Variants in RNF180 observed in about 807,000 individuals in gnomAD.
RNF180 encodes ring finger protein 180, also known as E3 ubiquitin-protein ligase RNF180.
RNF180 carries 38 observed loss-of-function variants against 59.2 expected under a neutral mutation model. The observed-to-expected ratio is 0.64, with a 90% confidence interval of 0.50 to 0.84. The LOEUF (loss-of-function observed/expected upper bound fraction) is 0.84, where lower values mean the gene tolerates loss of function less well. RNF180 is among the 40% of genes least tolerant of loss of function. RNF180 has a pLI of 0.00. For missense variants in RNF180, 705 were observed against 700.9 expected, an observed-to-expected ratio of 1.01 and a Z score of -0.07; for synonymous variants, 262 against 240.3, an observed-to-expected ratio of 1.09 and a Z score of -0.84.
At chr5:64,210,866 C>A (rs1192048234) in intron 2 of RNF180, among the ~76,000 whole-genome samples, 1 of 152,078 alleles carries the variant, frequency 6.6e-6, no homozygotes, top group African/African-American at 2.4e-5. Flanking sequence ...GGATTTGCAG[C>A]AGAGAAAGAA....
intron 1 of RNF180, among the ~76,000 whole-genome samples, chr5:64,197,866 T>G (rs1482931831): frequency 6.6e-6 from 1 of 152,190 alleles, no homozygotes; most frequent in Non-Finnish European, 1.5e-5. Context: ...GATTACATCC[T>G]AGAAACATTG....
chr5:64,204,694 G>T (rs1034772000), intron 2 of RNF180, among the ~76,000 whole-genome samples: 1 of 151,994 alleles, frequency 6.6e-6, no homozygotes, highest in South Asian at 2.1e-4. Flanking sequence ...TATTAGTTCT[G>T]TCCTTTATGT....
At position 64,262,605 on chromosome 5, in the gene RNF180, C is replaced by T. The variant is rs75888863; in HGVS notation, c.1227+45209C>T. On this transcript the variant is annotated intron_variant, in intron 5 of 7. Transcript: ENST00000389100. ...ATCCTCAGTTAATTTCTTCATATTG[C>T]CTAAATAGGGAAAAATTGAGACTGT... 5.3e-5 allele frequency among the ~76,000 whole-genome samples: 8 copies of T among 152,126 alleles called. No individual in the cohort carries two copies. In the East Asian group the frequency reaches 1.5e-3, roughly 29 times the overall value.
intron 1 of RNF180, among the ~76,000 whole-genome samples, chr5:64,181,335 G>A (rs760713656): frequency 2.8e-4 from 43 of 152,232 alleles, no homozygotes; most frequent in Middle Eastern, 3.4e-3. Context: ...ACCATCACAC[G>A]TGGGTACCAC....
chr5:64,274,601 T>C (rs570393933), intron 5 of RNF180, among the ~76,000 whole-genome samples: 1 of 152,186 alleles, frequency 6.6e-6, no homozygotes, highest in East Asian at 1.9e-4. Context: ...AAGACTTGTT[T>C]TAATGTTATT....
chr5:64,285,561 C>T (rs1165926650), intron 5 of RNF180, among the ~76,000 whole-genome samples: 1 of 151,948 alleles, frequency 6.6e-6, no homozygotes, highest in African/African-American at 2.4e-5. Flanking sequence ...TCAGCTGGAG[C>T]TCTCTGATGG....
Position 64,252,782 on chromosome 5 carries a change from G to A in RNF180, c.1227+35386G>A, listed in dbSNP as rs548347501. Reference sequence around the variant, plus strand: ...AAAGAGGCTTCATGACATGGGGGTTGGAAGCCTTGTGGAACACAGGTTTTA... The same window carrying A: ...AAAGAGGCTTCATGACATGGGGGTTAGAAGCCTTGTGGAACACAGGTTTTA... On this transcript the variant is annotated intron_variant, in intron 5 of 7. Coordinates refer to ENST00000389100, the MANE Select transcript of RNF180 (RefSeq NM_001113561.2). Among the ~76,000 whole-genome samples the A allele has an allele frequency of 1.2e-4, 18 of 152,204 alleles. No homozygotes were observed. The South Asian group carries it at 1.7e-3, about 14-fold the overall frequency.
intron 5 of RNF180, among the ~76,000 whole-genome samples, chr5:64,241,117 G>T: frequency 6.6e-6 from 1 of 152,070 alleles, no homozygotes; most frequent in Non-Finnish European, 1.5e-5. Flanking sequence ...TACATGATTT[G>T]GAACTATGCA....
intron 7 of RNF180, among the ~76,000 whole-genome samples, chr5:64,349,470 G>T (rs1229737811): frequency 1.3e-5 from 2 of 148,572 alleles, no homozygotes; most frequent in Non-Finnish European, 3.0e-5. Context: ...TAGGGTACAT[G>T]TGCACAACGT....
intron 5 of RNF180, among the ~76,000 whole-genome samples, chr5:64,300,609 C>T (rs1283929045): frequency 6.6e-6 from 1 of 151,580 alleles, no homozygotes; most frequent in East Asian, 1.9e-4. Context: ...CTCAGATAAG[C>T]GGGGGACTAC....
intron 5 of RNF180, among the ~76,000 whole-genome samples, chr5:64,269,741 A>G (rs1008744021): frequency 3.9e-5 from 6 of 152,144 alleles, no homozygotes; most frequent in Admixed American, 2.6e-4. Flanking sequence ...TTCAAAGTTT[A>G]TTTTTGAAGT....
intron 2 of RNF180, among the ~76,000 whole-genome samples, chr5:64,202,731 A>G (rs1751816092): frequency 1.3e-5 from 2 of 152,200 alleles, no homozygotes; most frequent in Non-Finnish European, 2.9e-5. Flanking sequence ...CTAATGATGT[A>G]GCGTACTTTT....
At chr5:64,294,155 A>C (rs1198840230) in intron 5 of RNF180, among the ~76,000 whole-genome samples, 1 of 152,186 alleles carries the variant, frequency 6.6e-6, no homozygotes, top group Non-Finnish European at 1.5e-5. Flanking sequence ...AAAATCAATA[A>C]TAACTGAATG....
At position 64,178,818 on chromosome 5, in the gene RNF180, T is replaced by A. The variant is rs139785863; in HGVS notation, c.-1+12865T>A. ...CAACTACATATTTTTTCTAAATCAA[T>A]CAGCGTTGCTCATTTTTCTTTTTGT... On this transcript the variant is annotated intron_variant, in intron 1 of 7. Coordinates refer to ENST00000389100, the MANE Select transcript of RNF180 (RefSeq NM_001113561.2). Among the ~76,000 whole-genome samples, 522 of 152,306 alleles carry A rather than the reference T, an allele frequency of 3.4e-3. 2 individuals carry two copies. The highest frequency in any genetic ancestry group is 0.011 in the African/African-American group (474 of 41,574).
intron 5 of RNF180, among the ~76,000 whole-genome samples, chr5:64,230,076 C>T (rs1290705266): frequency 2.0e-5 from 3 of 152,108 alleles, no homozygotes; most frequent in African/African-American, 7.2e-5. Context: ...TCTCTAGCCA[C>T]AACAATGGGT....
chr5:64,321,385 A>G lies in RNF180; in HGVS notation c.1228-3801A>G, dbSNP rs1744339672. On this transcript the variant is annotated intron_variant, in intron 5 of 7. Transcript: ENST00000389100. ...GCATTCCTATACACCAGCAATAGACAAACAGCCAAATCATGAATGAACCCC... is the reference window on the plus strand; with the variant it reads ...GCATTCCTATACACCAGCAATAGACGAACAGCCAAATCATGAATGAACCCC... Among the ~76,000 whole-genome samples, 3 of 152,278 alleles carry G rather than the reference A, an allele frequency of 2.0e-5. No individual in the cohort carries two copies. In the South Asian group the frequency reaches 6.2e-4, roughly 32 times the overall value.
intron 7 of RNF180, among the ~76,000 whole-genome samples, chr5:64,331,614 A>T (rs1744912072): frequency 6.6e-6 from 1 of 152,174 alleles, no homozygotes; most frequent in Admixed American, 6.5e-5. Flanking sequence ...TCTACCACTC[A>T]GTGAAGCTCC....
chr5:64,230,202 A>G (rs1742018303), intron 5 of RNF180, among the ~76,000 whole-genome samples: 1 of 152,230 alleles, frequency 6.6e-6, no homozygotes, highest in African/African-American at 2.4e-5. Context: ...TGAAGGTACT[A>G]GCACTCTCTG....
At chr5:64,208,339 A>G (rs2112091890) in intron 2 of RNF180, among the ~76,000 whole-genome samples, 1 of 152,176 alleles carries the variant, frequency 6.6e-6, no homozygotes, top group Non-Finnish European at 1.5e-5. Context: ...ATTTTTTTAC[A>G]ATCCTGGTAA....
Sources: allele counts gnomAD v4.1 joint callset (sites outside exome capture counted in the v4.1 genomes callset), GRCh38; gene constraint gnomAD v4.1.1; transcripts MANE v1.5; gene names NCBI Gene and HGNC (gene_info 2026-07-23, HGNC 2026-07-21).